The following RIMBP2 variants were observed in gnomAD, a reference collection of about 807,000 sequenced individuals.
RIMBP2 encodes the protein RIMS-binding protein 2.
In RIMBP2, 48 loss-of-function variants were observed where a neutral mutation model predicts 118.6. The ratio of observed to expected loss-of-function variants is 0.40; its 90% CI spans 0.32 to 0.51. The LOEUF (loss-of-function observed/expected upper bound fraction) is 0.51, where lower values mean the gene tolerates loss of function less well. Ranked by LOEUF, RIMBP2 falls within the 20% of genes least tolerant of loss-of-function variation. RIMBP2 has a pLI of 0.41. For synonymous variants in RIMBP2, 762 were observed against 742.9 expected (o/e 1.03, Z -0.42); for missense variants, 1,551 against 1,768.3 (o/e 0.88, Z 2.20).
In RIMBP2 at chr12:130,424,180, G is replaced by C. The variant is rs1426716613; in HGVS notation, c.3091C>G (p.His1031Asp). 26 of 1,231,940 alleles carry C rather than the reference G, an allele frequency of 2.1e-5. No homozygotes were observed. The African/African-American group carries it at 2.5e-4, about 12-fold the overall frequency. The allele number at this position is 1,231,940 out of a possible 1,614,324, so 76.3% of individuals were successfully genotyped here. A position where few individuals can be genotyped will look rare whatever the true frequency, so the allele number is the denominator to read the frequency against. Residue 1031 changes from histidine (H) to aspartate (D), a missense_variant, in exon 16 of 23, where the codon CAC (histidine) becomes GAC (aspartate). This residue lies in a region of RIMBP2 where 1,038 missense variants were observed against 1,125.1 expected (regional missense o/e 0.92). Transcript: ENST00000690449. The surrounding 1 kb of genome is among the most constrained non-coding windows in gnomAD (Gnocchi z 9.8). ...TMPDSRAAAPHAKPPPRVAQG... is the reference protein window; with the variant it reads ...TMPDSRAAAPDAKPPPRVAQG... ...GCGACTCTGGGAGGTGGCTTTGCGT[G>C]GGGGGCAGCTGCCCTACTGTCGGGC...
chr12:130,696,161 G>A (rs557732311), intron 1 of RIMBP2, among the ~76,000 whole-genome samples: 45 of 152,150 alleles, frequency 3.0e-4, no homozygotes, highest in Non-Finnish European at 5.3e-4. Flanking sequence ...GCAGGCTGAC[G>A]TGTCCACAAG....
rs901688005 is a variant in RIMBP2 at position 130,576,771 on chromosome 12, G to A, written c.-217+51551C>T. Among the ~76,000 whole-genome samples, 3 of 152,212 alleles carry A rather than the reference G, an allele frequency of 2.0e-5. No homozygotes were observed. Among genetic ancestry groups the A allele is most frequent in the African/African-American group, 7.2e-5 (3 of 41,460 alleles). ...TGCGCACCACATGCCACAAACACAA[G>A]CTCCGAGTCCTAAACGAATCACACC... On this transcript the variant is annotated intron_variant, in intron 2 of 22. Coordinates refer to ENST00000690449, the MANE Select transcript of RIMBP2 (RefSeq NM_001393629.1). The surrounding 1 kb of genome is among the most constrained non-coding windows in gnomAD (Gnocchi z 4.2).
intron 1 of RIMBP2, among the ~76,000 whole-genome samples, chr12:130,696,855 C>G (rs933003779): frequency 1.3e-5 from 2 of 152,190 alleles, no homozygotes; most frequent in African/African-American, 4.8e-5. Context: ...AGAGAAAAGG[C>G]AGCATTCAGG....
intron 1 of RIMBP2, among the ~76,000 whole-genome samples, chr12:130,681,385 T>C (rs529660475): frequency 7.9e-5 from 12 of 152,364 alleles, no homozygotes; most frequent in Admixed American, 6.5e-4. Flanking sequence ...TTAGTAACTT[T>C]AAGTATACTC....
rs549726356 is a variant in RIMBP2 at position 130,489,136 on chromosome 12, C to T, written c.-3-10120G>A. Among the ~76,000 whole-genome samples, 131 of 152,344 alleles carry T rather than the reference C, an allele frequency of 8.6e-4. 2 individuals carry two copies. Among genetic ancestry groups the T allele is most frequent in the South Asian group, 7.7e-3 (37 of 4,828 alleles). On this transcript the variant is annotated intron_variant, in intron 4 of 22. Transcript: ENST00000690449. ...ACTAAACAATTAAATTCTTTCATGT[C>T]TTATATTTTACAATGTCTTCAAGTA...
chr12:130,418,121 A>C (rs1411695758), intron 17 of RIMBP2, among the ~76,000 whole-genome samples: 1 of 152,240 alleles, frequency 6.6e-6, no homozygotes, highest in African/African-American at 2.4e-5. Flanking sequence ...AGAAAAAATA[A>C]AACACGCAGT....
At chr12:130,423,800 G>GATTTATTTATAA (rs2076581065) in intron 16 of RIMBP2, among the ~76,000 whole-genome samples, 1 of 150,260 alleles carries the variant, frequency 6.7e-6, no homozygotes, top group Non-Finnish European at 1.5e-5. Context: ...AATCCCTAAG[G>GATTTATTTATAA]ATCCCTGTGA....
chr12:130,487,451 T>C (rs1282190642), intron 4 of RIMBP2, among the ~76,000 whole-genome samples: 1 of 152,172 alleles, frequency 6.6e-6, no homozygotes, highest in African/African-American at 2.4e-5. Flanking sequence ...TTGCTACCTT[T>C]CTCACCATGT....
intron 2 of RIMBP2, among the ~76,000 whole-genome samples, chr12:130,522,877 A>G (rs891239639): frequency 6.6e-6 from 1 of 152,166 alleles, no homozygotes; most frequent in Non-Finnish European, 1.5e-5. Context: ...GGAAGGTTAC[A>G]TGAGGTCATG....
chr12:130,440,643 C>T lies in RIMBP2; in HGVS notation c.1504+1205G>A, dbSNP rs1479018597. Among the ~76,000 whole-genome samples, 10 of 152,186 alleles carry T rather than the reference C, an allele frequency of 6.6e-5. 1 individual carries two copies. Among genetic ancestry groups the T allele is most frequent in the Admixed American group, 3.3e-4 (5 of 15,286 alleles). ...ACTCATCAGAAGGCATCGCGGGAGG[C>T]GTCAGTGAAAAGTGGGTGGCCTCAT... On this transcript the variant is annotated intron_variant, in intron 11 of 22. Coordinates refer to ENST00000690449, the MANE Select transcript of RIMBP2 (RefSeq NM_001393629.1).
At chr12:130,667,056 AAAAGGAAGAAGGGAGGGAG>A (rs535065303) in intron 1 of RIMBP2, among the ~76,000 whole-genome samples, 1 of 109,966 alleles carries the variant, frequency 9.1e-6, no homozygotes, top group African/African-American at 3.9e-5. Context: ...AGGGAGGGAG[AAAAGGAAGAAGGGAGGGAG>A]GAAAAAATGA....
At chr12:130,705,573 A>G (rs1467548459) in intron 1 of RIMBP2, among the ~76,000 whole-genome samples, 1 of 152,204 alleles carries the variant, frequency 6.6e-6, no homozygotes, top group Non-Finnish European at 1.5e-5. Flanking sequence ...GCTCCTCACT[A>G]ACGAACAACT....
At chr12:130,504,051 G>A (rs142434875) in intron 4 of RIMBP2, among the ~76,000 whole-genome samples, 2 of 152,306 alleles carry the variant, frequency 1.3e-5, no homozygotes, top group South Asian at 2.1e-4. Flanking sequence ...GGGAGCAGGG[G>A]GGGGTGTCTA....
At chr12:130,503,130 G>A (rs1018207366) in intron 4 of RIMBP2, among the ~76,000 whole-genome samples, 2 of 152,048 alleles carry the variant, frequency 1.3e-5, no homozygotes, top group African/African-American at 4.8e-5. Flanking sequence ...GGTGGCTCAT[G>A]CCTGTAATCC....
chr12:130,473,639 G>C lies in RIMBP2; in HGVS notation c.103-2896C>G, dbSNP rs377014255. Among the ~76,000 whole-genome samples the C allele has an allele frequency of 2.2e-4, 33 of 152,342 alleles. 3 individuals are homozygous for C. Among genetic ancestry groups the C allele is most frequent in the East Asian group, 1.4e-3 (7 of 5,176 alleles). ...AAACGTTAGCTCTGCAGAAAAGTCA[G>C]TGAGACTCAAGGAACTATGCCGAGG... On this transcript the variant is annotated intron_variant, in intron 5 of 22. Coordinates refer to ENST00000690449, the MANE Select transcript of RIMBP2 (RefSeq NM_001393629.1).
intron 4 of RIMBP2, among the ~76,000 whole-genome samples, chr12:130,504,730 G>A (rs2050141240): frequency 6.6e-6 from 1 of 152,058 alleles, no homozygotes; most frequent in Non-Finnish European, 1.5e-5. Context: ...GCAGCGATAA[G>A]AAACAGACAC....
At chr12:130,653,072 G>C (rs1357769917) in intron 1 of RIMBP2, among the ~76,000 whole-genome samples, 1 of 152,152 alleles carries the variant, frequency 6.6e-6, no homozygotes, top group Non-Finnish European at 1.5e-5. Context: ...CAAATCTCAT[G>C]TCCTTCTCAT....
Position 130,437,207 on chromosome 12 carries a change from C to G in RIMBP2, c.1741G>C (p.Val581Leu). Residue 581 changes from valine (V) to leucine (L), a missense_variant, in exon 13 of 23, where the codon GTG becomes CTG. Around this residue, in one of 5 missense-constraint regions of RIMBP2, gnomAD observed 1,038 missense variants for 1,125.1 expected, o/e 0.92. Transcript: ENST00000690449. ...TCGCCCTGGGCGGAGAGGGTCCGCA[C>G]GGTCACGCCCTTGGCCTCCAGGCTC... ...LRSLEAKGVT[V>L]RTLSAQGESV... The G allele has an allele frequency of 6.3e-7, 1 of 1,584,570 alleles. No homozygotes were observed. The highest frequency in any genetic ancestry group is 8.6e-7 in the Non-Finnish European group (1 of 1,169,102).
intron 3 of RIMBP2, among the ~76,000 whole-genome samples, chr12:130,516,341 T>C (rs182274356): frequency 6.6e-6 from 1 of 152,372 alleles, no homozygotes; most frequent in African/African-American, 2.4e-5. Flanking sequence ...TCAATAGATG[T>C]TGACTGAGCA....
Sources: allele counts gnomAD v4.1 joint callset (sites outside exome capture counted in the v4.1 genomes callset), GRCh38; gene constraint gnomAD v4.1.1; regional missense constraint gnomAD v4.1.1; non-coding constraint Gnocchi (gnomAD v3.1); transcripts MANE v1.5; gene names NCBI Gene and HGNC (gene_info 2026-07-23, HGNC 2026-07-21).